TBC1D9: variants seen among roughly 807,000 people sequenced by gnomAD.
TBC1D9 encodes TBC1 domain family member 9A.
In TBC1D9, 63 loss-of-function variants were observed where a neutral mutation model predicts 132.0. The ratio of observed to expected loss-of-function variants is 0.48; its 90% confidence interval spans 0.39 to 0.59. The LOEUF is 0.59. Among genes scored for constraint, TBC1D9 ranks in the 20% least tolerant of loss-of-function variants. The probability of loss-of-function intolerance (pLI) is 0.00; values close to 1 mark genes in which losing one functional copy is unlikely to be tolerated. For synonymous variants in TBC1D9, 610 were observed against 609.9 expected (o/e 1.00, Z 0.00); for missense variants, 1,261 against 1,592.7 (o/e 0.79, Z 3.54).
In TBC1D9 at chr4:140,678,997, G is replaced by C; in HGVS notation, c.796C>G (p.Arg266Gly). 2 of 1,613,874 alleles carry C rather than the reference G, an allele frequency of 1.2e-6. No homozygotes were observed. The highest frequency in any genetic ancestry group is 8.5e-7 in the Non-Finnish European group (1 of 1,179,838). The part of the protein sequence containing the change: ...LLDNEGFEQD[R>G]SLPKLKRKSP... Reference sequence around the variant, plus strand: ...TTCCTTTTGAGTTTGGGCAGGGATCGATCTTGTTCAAATCCCTCATTGTCT... The same window carrying C: ...TTCCTTTTGAGTTTGGGCAGGGATCCATCTTGTTCAAATCCCTCATTGTCT... The change falls in exon 5 of 21, where the codon CGA becomes GGA. Residue 266 changes from arginine (R) to glycine (G), a missense_variant. By Grantham distance (125) the Arg-to-Gly change is moderately radical. This residue lies in a region of TBC1D9 where 550 missense variants were observed against 699.0 expected (regional missense o/e 0.79). Transcript: ENST00000442267.
intron 13 of TBC1D9, chr4:140,642,471 G>A: frequency 1.0e-6 from 1 of 960,406 alleles, no homozygotes; most frequent in Non-Finnish European, 1.6e-6. Context: ...TGCAGCCCCT[G>A]CCAGTTTTTG....
At chr4:140,633,033 C>T (rs1158320889) in intron 16 of TBC1D9, among the ~76,000 whole-genome samples, 3 of 152,168 alleles carry the variant, frequency 2.0e-5, no homozygotes, top group South Asian at 2.1e-4. Context: ...ACCTTACCTA[C>T]ATATATCCCT....
chr4:140,739,205 G>C (rs1483724691), intron 1 of TBC1D9, among the ~76,000 whole-genome samples: 5 of 151,968 alleles, frequency 3.3e-5, no homozygotes, highest in African/African-American at 1.2e-4. Context: ...TGGTCAGGCT[G>C]GTCTCAAACT....
chr4:140,689,649 C>T (rs1578842024), intron 2 of TBC1D9, among the ~76,000 whole-genome samples: 1 of 30,110 alleles, frequency 3.3e-5, no homozygotes, highest in Admixed American at 2.3e-4. Context: ...CTCTCCCCCC[C>T]TCTCCCCTTC....
chr4:140,720,654 C>T (rs897516566), intron 1 of TBC1D9, among the ~76,000 whole-genome samples: 4 of 152,176 alleles, frequency 2.6e-5, no homozygotes, highest in Admixed American at 1.3e-4. Context: ...AGCATATTAC[C>T]TGGGTGGTAA....
At chr4:140,631,191 A>G (rs1736789829) in intron 16 of TBC1D9, among the ~76,000 whole-genome samples, 1 of 152,226 alleles carries the variant, frequency 6.6e-6, no homozygotes, top group African/African-American at 2.4e-5. Flanking sequence ...AGAAAGAGAT[A>G]CAGCTAATTT....
At chr4:140,663,973 T>C (rs1445648622) in intron 9 of TBC1D9, among the ~76,000 whole-genome samples, 2 of 151,074 alleles carry the variant, frequency 1.3e-5, no homozygotes, top group Non-Finnish European at 2.9e-5. Context: ...AATGTAATAC[T>C]GTATTGTATA....
chr4:140,657,334 G>C (rs748929924), intron 12 of TBC1D9, 108 bp from the exon 13 acceptor site: 45 of 1,426,800 alleles, frequency 3.2e-5, no homozygotes, highest in Non-Finnish European at 4.2e-5. Context: ...AAGGACTAGA[G>C]TTTCTTTAAA....
intron 18 of TBC1D9, among the ~76,000 whole-genome samples, chr4:140,625,875 G>T (rs879369847): frequency 6.6e-6 from 1 of 152,126 alleles, no homozygotes; most frequent in African/African-American, 2.4e-5. Context: ...ATTTCAAGGT[G>T]AATTATTAGT....
At chr4:140,649,665 C>T (rs902825422) in intron 13 of TBC1D9, among the ~76,000 whole-genome samples, 1 of 152,056 alleles carries the variant, frequency 6.6e-6, no homozygotes, top group Non-Finnish European at 1.5e-5. Flanking sequence ...ATGGGGGTGG[C>T]GTCTGTCTGC....
At chr4:140,632,992 C>T (rs1006034718) in intron 16 of TBC1D9, among the ~76,000 whole-genome samples, 13 of 152,178 alleles carry the variant, frequency 8.5e-5, no homozygotes, top group African/African-American at 3.1e-4. Flanking sequence ...TAGATGAGTA[C>T]TTTATACAAT....
chr4:140,649,855 C>T (rs1468953348), intron 13 of TBC1D9, among the ~76,000 whole-genome samples: 1 of 152,182 alleles, frequency 6.6e-6, no homozygotes, highest in African/African-American at 2.4e-5. Flanking sequence ...ACTCTGATCT[C>T]TAAAGAGTCT....
chr4:140,695,747 T>A (rs906981280), intron 2 of TBC1D9, among the ~76,000 whole-genome samples: 4 of 152,128 alleles, frequency 2.6e-5, no homozygotes, highest in African/African-American at 9.7e-5. Context: ...AGGAAGACAA[T>A]GGACTGGACT....
chr4:140,677,318 CT>C (rs1371793454), intron 5 of TBC1D9, among the ~76,000 whole-genome samples: 1 of 152,162 alleles, frequency 6.6e-6, no homozygotes, highest in Non-Finnish European at 1.5e-5. Context: ...TGCATAGTCA[CT>C]TATAATCCAT....
chr4:140,652,249 A>T (rs1232089693), intron 13 of TBC1D9, among the ~76,000 whole-genome samples: 2 of 152,106 alleles, frequency 1.3e-5, no homozygotes, highest in Non-Finnish European at 2.9e-5. Flanking sequence ...TCAAATAAAA[A>T]AAAAAAAAAA....
intron 1 of TBC1D9, among the ~76,000 whole-genome samples, chr4:140,725,172 G>C (rs1738479669): frequency 6.6e-6 from 1 of 151,998 alleles, no homozygotes; most frequent in African/African-American, 2.4e-5. Context: ...ATTAACAGAG[G>C]AGTAAATAAA....
rs1003959865 is a variant in TBC1D9 at position 140,621,039 on chromosome 4, A to G, written c.*1156T>C. On this transcript the variant is annotated 3_prime_UTR_variant, in exon 21 of 21. Transcript: ENST00000442267. ...TCCAACATCTGTAAAAAGCAAAATCATAACAGTAATAAAAAAGAAGCAAGA... is the reference window on the plus strand; with the variant it reads ...TCCAACATCTGTAAAAAGCAAAATCGTAACAGTAATAAAAAAGAAGCAAGA... 4.6e-5 allele frequency: 7 copies of G among 152,674 alleles called. No homozygotes were observed. Among genetic ancestry groups the G allele is most frequent in the Non-Finnish European group, 1.0e-4 (7 of 68,024 alleles). The allele number at this position is 152,674 out of a possible 1,614,324, so 9.5% of individuals were successfully genotyped here. A position where few individuals can be genotyped will look rare whatever the true frequency, so the allele number is the denominator to read the frequency against.
intron 2 of TBC1D9, among the ~76,000 whole-genome samples, chr4:140,699,439 C>T (rs182246713): frequency 1.7e-4 from 26 of 152,202 alleles, no homozygotes; most frequent in South Asian, 8.3e-4. Context: ...CAAGGAGGCC[C>T]GCAGTCATAA....
At chr4:140,664,105 T>C (rs2111003606) in intron 9 of TBC1D9, among the ~76,000 whole-genome samples, 1 of 146,558 alleles carries the variant, frequency 6.8e-6, no homozygotes, top group South Asian at 2.2e-4. Context: ...TGTGAGGTAA[T>C]AGATATGGTA....
Sources: gnomAD v4.1 joint callset for allele counts (sites outside exome capture counted in the v4.1 genomes callset) on GRCh38, gnomAD v4.1.1 for gene constraint, gnomAD v4.1.1 regional missense constraint, MANE v1.5 for transcripts, NCBI Gene and HGNC (gene_info 2026-07-23, HGNC 2026-07-21) for gene names.